TRPC4: variants seen among roughly 807,000 people sequenced by gnomAD.
TRPC4 encodes the protein transient receptor potential cation channel subfamily C member 4.
In TRPC4, 49 loss-of-function variants were observed where a neutral mutation model predicts 99.4. The observed-to-expected ratio is 0.49, with a 90% CI of 0.39 to 0.63. The LOEUF (loss-of-function observed/expected upper bound fraction) is 0.63, where lower values mean the gene tolerates loss of function less well. Among genes scored for constraint, TRPC4 ranks in the 20% least tolerant of loss-of-function variants. The probability of loss-of-function intolerance (pLI) is 0.00; values close to 1 mark genes in which losing one functional copy is unlikely to be tolerated. For synonymous variants in TRPC4, 454 were observed against 425.9 expected (o/e 1.07, Z -0.81); for missense variants, 898 against 1,152.9 (o/e 0.78, Z 3.20).
intron 1 of TRPC4, among the ~76,000 whole-genome samples, chr13:37,800,677 G>T (rs1957377405): frequency 6.6e-6 from 1 of 151,964 alleles, no homozygotes; most frequent in Non-Finnish European, 1.5e-5. Flanking sequence ...ATATATACAT[G>T]TGTATAGAAA....
chr13:37,803,458 A>G (rs56204442), intron 1 of TRPC4, among the ~76,000 whole-genome samples: 1 of 151,846 alleles, frequency 6.6e-6, no homozygotes, highest in Non-Finnish European at 1.5e-5. Flanking sequence ...TTACACACAC[A>G]AAATCATTCT....
At chr13:37,706,612 A>G (rs964419896) in intron 3 of TRPC4, among the ~76,000 whole-genome samples, 4 of 151,854 alleles carry the variant, frequency 2.6e-5, no homozygotes, top group African/African-American at 9.7e-5. Flanking sequence ...ATATCTCCTA[A>G]TGCTACCCCT....
intron 8 of TRPC4, among the ~76,000 whole-genome samples, chr13:37,642,109 A>C (rs1476602912): frequency 6.6e-6 from 1 of 152,116 alleles, no homozygotes; most frequent in Non-Finnish European, 1.5e-5. Flanking sequence ...CAGCTTTGGC[A>C]GTAGAGAGGT....
intron 6 of TRPC4, among the ~76,000 whole-genome samples, chr13:37,656,933 C>T (rs1036804829): frequency 1.3e-5 from 2 of 152,148 alleles, no homozygotes; most frequent in African/African-American, 4.8e-5. Flanking sequence ...CAAAGATAAA[C>T]CCTTACTCAG....
chr13:37,638,551 C>T (rs915532662), intron 10 of TRPC4, among the ~76,000 whole-genome samples: 2 of 152,056 alleles, frequency 1.3e-5, no homozygotes, highest in Non-Finnish European at 2.9e-5. Context: ...TTATTTTAAA[C>T]ATGTGATTCA....
Position 37,636,792 on chromosome 13 carries a change from A to T in TRPC4, c.*111T>A. 7.6e-7 allele frequency: 1 copy of T among 1,315,728 alleles called. No homozygotes were observed. Among genetic ancestry groups the T allele is most frequent in the South Asian group, 1.7e-5 (1 of 58,578 alleles). The allele number at this position is 1,315,728 out of a possible 1,614,324, so 81.5% of individuals were successfully genotyped here. ...TACAGGTAATATGCCACAGCTGATA[A>T]ACGCTATAAAGTGTAAGTTAGCATT... On this transcript the variant is annotated 3_prime_UTR_variant, in exon 11 of 11. Transcript: ENST00000379705.
Position 37,842,812 on chromosome 13 carries a change from GA to G in TRPC4, c.-28+26782del, listed in dbSNP as rs756127851. Among the ~76,000 whole-genome samples the G allele has an allele frequency of 1.8e-3, 270 of 152,318 alleles. 2 individuals carry two copies. The highest frequency in any genetic ancestry group is 2.6e-4 in the Non-Finnish European group (18 of 68,018). On this transcript the variant is annotated intron_variant, in intron 1 of 10. Transcript: ENST00000379705. Reference sequence around the variant, plus strand: ...TTTAGAGGGAAATATTCAGGTCATAGAGCTTTTTGAAACCAGACATTGATAA... The same window carrying G: ...TTTAGAGGGAAATATTCAGGTCATAGGCTTTTTGAAACCAGACATTGATAA...
intron 4 of TRPC4, among the ~76,000 whole-genome samples, chr13:37,689,714 T>C (rs935187878): frequency 6.6e-6 from 1 of 152,222 alleles, no homozygotes; most frequent in African/African-American, 2.4e-5. Context: ...AAATATTCTG[T>C]TAGAAGCTTG....
At chr13:37,836,346 A>G (rs1958564966) in intron 1 of TRPC4, among the ~76,000 whole-genome samples, 1 of 152,206 alleles carries the variant, frequency 6.6e-6, no homozygotes, top group Non-Finnish European at 1.5e-5. Flanking sequence ...GGTAACAGGA[A>G]GAGGTTGGGA....
At chr13:37,805,427 G>A (rs1957507293) in intron 1 of TRPC4, among the ~76,000 whole-genome samples, 1 of 151,842 alleles carries the variant, frequency 6.6e-6, no homozygotes, top group Non-Finnish European at 1.5e-5. Context: ...TCTTGAATTA[G>A]TAACCTACTC....
At chr13:37,868,035 G>A (rs1444548014) in intron 1 of TRPC4, among the ~76,000 whole-genome samples, 1 of 151,978 alleles carries the variant, frequency 6.6e-6, no homozygotes, top group Non-Finnish European at 1.5e-5. Flanking sequence ...AATCGATTAA[G>A]GTTATTTTAT....
At chr13:37,744,658 C>A (rs59998383) in intron 3 of TRPC4, among the ~76,000 whole-genome samples, 2,941 of 152,212 alleles carry the variant, frequency 0.019, 75 homozygotes, top group African/African-American at 0.067. Flanking sequence ...TATATGGGAT[C>A]ATTAAGGCCA....
chr13:37,753,982 C>T lies in TRPC4; in HGVS notation c.379-7527G>A, dbSNP rs539033263. ...AAGCACCCCCGCTATGGAGAATGGG[C>T]GATACTGAAGCTATGGAGAGGGCAG... is the stretch of plus-strand genomic sequence containing the variant. On this transcript the variant is annotated intron_variant, in intron 2 of 10. Transcript: ENST00000379705. Among the ~76,000 whole-genome samples the T allele has an allele frequency of 4.1e-4, 63 of 152,060 alleles. 1 individual carries two copies. In the South Asian group the frequency reaches 0.012, roughly 30 times the overall value.
intron 3 of TRPC4, among the ~76,000 whole-genome samples, chr13:37,711,890 A>G (rs1390419031): frequency 8.5e-5 from 13 of 152,108 alleles, no homozygotes; most frequent in Admixed American, 8.5e-4. Context: ...AATGGCATTT[A>G]ACATATCTAA....
At chr13:37,779,024 T>C (rs1287374526) in intron 2 of TRPC4, among the ~76,000 whole-genome samples, 2 of 152,012 alleles carry the variant, frequency 1.3e-5, no homozygotes, top group Non-Finnish European at 2.9e-5. Context: ...TCAGAACCTC[T>C]GCAGGTAGGT....
intron 2 of TRPC4, among the ~76,000 whole-genome samples, chr13:37,751,632 C>G (rs192795131): frequency 3.3e-5 from 5 of 152,002 alleles, no homozygotes; most frequent in Non-Finnish European, 5.9e-5. Flanking sequence ...CAGGCAATTC[C>G]CTTTCTTAAA....
intron 1 of TRPC4, among the ~76,000 whole-genome samples, chr13:37,799,488 C>T (rs902002427): frequency 6.6e-6 from 1 of 152,050 alleles, no homozygotes; most frequent in Non-Finnish European, 1.5e-5. Context: ...CTTATTTGAA[C>T]CCCAACTTTG....
At chr13:37,757,056 C>G (rs1368051748) in intron 2 of TRPC4, among the ~76,000 whole-genome samples, 1 of 142,392 alleles carries the variant, frequency 7.0e-6, no homozygotes, top group Non-Finnish European at 1.5e-5. Flanking sequence ...TAGTATTATA[C>G]ATAAAAATAT....
In TRPC4 at chr13:37,783,217, A is replaced by G. The variant is rs1329206491; in HGVS notation, c.117T>C (p.Ala39=). The part of the protein sequence containing the change: ...LSPSEKAYLN[A]VEKGDYASVK... ...CACTGGCATAATCTCCCTTTTCCAC[A>G]GCATTCAAGTAGGCTTTTTCTGATG... The change falls in exon 2 of 11, where the codon GCT becomes GCC. Residue 39 remains alanine, a synonymous_variant. Coordinates refer to ENST00000379705, the MANE Select transcript of TRPC4 (RefSeq NM_016179.4). 6 of 1,613,590 alleles carry G rather than the reference A, an allele frequency of 3.7e-6. No homozygotes were observed. The highest frequency in any genetic ancestry group is 5.1e-6 in the Non-Finnish European group (6 of 1,179,790).
Sources: gnomAD v4.1 joint callset for allele counts (sites outside exome capture counted in the v4.1 genomes callset) on GRCh38, gnomAD v4.1.1 for gene constraint, MANE v1.5 for transcripts, NCBI Gene and HGNC (gene_info 2026-07-23, HGNC 2026-07-21) for gene names.